Variants in ITPRID1 observed in about 807,000 individuals in gnomAD.
ITPRID1 encodes protein ITPRID1.
Under a neutral mutation model 95.4 loss-of-function variants are expected in ITPRID1, and 96 were observed. The ratio of observed to expected loss-of-function variants is 1.01; its 90% CI spans 0.85 to 1.19. The LOEUF (loss-of-function observed/expected upper bound fraction) is 1.19. Ranked by LOEUF, ITPRID1 falls within the 50% of genes most tolerant of loss-of-function variation. ITPRID1 has a pLI of 0.00. For missense variants in ITPRID1, 1,339 were observed against 1,252.9 expected (o/e 1.07, Z -1.04); for synonymous variants, 510 against 453.6 (o/e 1.12, Z -1.58).
At chr7:31,532,381 T>C (rs543736617) in intron 1 of ITPRID1, among the ~76,000 whole-genome samples, 1 of 152,324 alleles carries the variant, frequency 6.6e-6, no homozygotes, top group Admixed American at 6.5e-5. Flanking sequence ...TAGGACATTC[T>C]GAAAAAGGTT....
At chr7:31,627,631 G>C (rs954981183) in intron 10 of ITPRID1, among the ~76,000 whole-genome samples, 2 of 124,430 alleles carry the variant, frequency 1.6e-5, no homozygotes, top group African/African-American at 6.2e-5. Flanking sequence ...CTGCAATCCA[G>C]CCTGAGCAAC....
At chr7:31,656,524 GA>G, downstream of ITPRID1, 1 of 886,772 alleles carries the variant, frequency 1.1e-6, no homozygotes, top group Non-Finnish European at 1.3e-6. Context: ...TCCTTCTGTT[GA>G]AAAGAACTGT....
intron 10 of ITPRID1, among the ~76,000 whole-genome samples, chr7:31,609,800 T>A (rs1249172395): frequency 6.6e-6 from 1 of 151,560 alleles, no homozygotes; most frequent in African/African-American, 2.4e-5. Context: ...TCTGCTCCAA[T>A]CTTTATTATT....
At chr7:31,587,544 C>A (rs1222173803) in intron 10 of ITPRID1, among the ~76,000 whole-genome samples, 42 of 145,642 alleles carry the variant, frequency 2.9e-4, no homozygotes, top group Admixed American at 1.9e-3. Flanking sequence ...GAATCAATAT[C>A]GTGAAAATGG....
chr7:31,638,069 C>T (rs1189902994), intron 10 of ITPRID1, among the ~76,000 whole-genome samples: 1 of 152,226 alleles, frequency 6.6e-6, no homozygotes, highest in South Asian at 2.1e-4. Context: ...GGGCTCCCAC[C>T]AAAGTGTGCA....
Position 31,655,735 on chromosome 7 carries a change from C to G in ITPRID1, c.*2906C>G, listed in dbSNP as rs1791270775. 1.0e-6 allele frequency: 1 copy of G among 985,678 alleles called. No individual in the cohort carries two copies. The allele number at this position is 985,678 out of a possible 1,614,324, so 61.1% of individuals were successfully genotyped here. On this transcript the variant is annotated 3_prime_UTR_variant, in exon 15 of 15. Coordinates refer to ENST00000615280, the MANE Select transcript of ITPRID1 (RefSeq NM_001257967.3). ...TCCTGATGCATTGCATTTGTGCCTC[C>G]AAATCGTTTCCCTTGCTAAACTCCT...
In ITPRID1 at chr7:31,572,057, T is replaced by C. The variant is rs561741986; in HGVS notation, c.309-45T>C. The stretch of plus-strand genomic sequence containing the variant: ...GATTCACAATGACCTCCCAGGAGAC[T>C]ATCTAAATCAACACATCTCATTGTT... On this transcript the variant is annotated intron_variant, in intron 6 of 14. Transcript: ENST00000615280. The C allele has an allele frequency of 6.4e-6, 8 of 1,246,178 alleles. No individual in the cohort carries two copies. In the South Asian group the frequency reaches 7.5e-5, roughly 12 times the overall value. 77.2% of individuals were successfully genotyped at this position (1,246,178 alleles called of 1,614,324 possible).
chr7:31,580,297 T>TC (rs1785350886), intron 9 of ITPRID1, among the ~76,000 whole-genome samples: 1 of 13,952 alleles, frequency 7.2e-5, no homozygotes, highest in South Asian at 2.8e-3. Flanking sequence ...AAACTCTGTC[T>TC]CAAAAAAAAA....
chr7:31,619,918 T>C (rs1787655494), intron 10 of ITPRID1, among the ~76,000 whole-genome samples: 1 of 152,174 alleles, frequency 6.6e-6, no homozygotes, highest in African/African-American at 2.4e-5. Flanking sequence ...ACTGCGCTTT[T>C]CCGACGGGCT....
intron 10 of ITPRID1, among the ~76,000 whole-genome samples, chr7:31,590,524 T>C (rs1224678584): frequency 6.6e-6 from 1 of 152,184 alleles, no homozygotes; most frequent in Non-Finnish European, 1.5e-5. Context: ...GTGGCAAGCA[T>C]ATATATGCAG....
At chr7:31,617,460 TG>T (rs1369669150) in intron 10 of ITPRID1, among the ~76,000 whole-genome samples, 1 of 151,078 alleles carries the variant, frequency 6.6e-6, no homozygotes, top group Non-Finnish European at 1.5e-5. Flanking sequence ...TAAAAGAAAA[TG>T]TGAATTAGTA....
At chr7:31,573,879 T>C (rs961265857) in intron 7 of ITPRID1, among the ~76,000 whole-genome samples, 2 of 151,026 alleles carry the variant, frequency 1.3e-5, no homozygotes, top group Admixed American at 6.6e-5. Context: ...TATAAAATTT[T>C]AATAAAAATT....
Position 31,651,978 on chromosome 7 carries a change from G to C in ITPRID1, c.2751G>C (p.Leu917=). 1 of 1,605,382 alleles carries C rather than the reference G, an allele frequency of 6.2e-7. No homozygotes were observed. Among genetic ancestry groups the C allele is most frequent in the Non-Finnish European group, 8.5e-7 (1 of 1,176,178 alleles). The change falls in exon 14 of 15, where the codon CTG becomes CTC. Residue 917 remains leucine, a synonymous_variant. Coordinates refer to ENST00000615280, the MANE Select transcript of ITPRID1 (RefSeq NM_001257967.3). Reference sequence around the variant, plus strand: ...AACTGCAAACGTTACGTGAGGCCCTGAGGCAGCAGGTGGCAGAGTTGGAAT... The same window carrying C: ...AACTGCAAACGTTACGTGAGGCCCTCAGGCAGCAGGTGGCAGAGTTGGAAT... ...AEQLQTLREA[L]RQQVAELEFQ...
chr7:31,603,561 T>C (rs1786489700), intron 10 of ITPRID1, among the ~76,000 whole-genome samples: 1 of 152,192 alleles, frequency 6.6e-6, no homozygotes, highest in South Asian at 2.1e-4. Context: ...TCTATAGATA[T>C]AACACACTAC....
chr7:31,521,685 TCCTC>T (rs1365206962), intron 1 of ITPRID1, among the ~76,000 whole-genome samples: 3 of 118,482 alleles, frequency 2.5e-5, no homozygotes, highest in African/African-American at 6.7e-5. Context: ...CTTCCTTCCT[TCCTC>T]CTTTATTCCC....
At chr7:31,630,285 T>C (rs1014356599) in intron 10 of ITPRID1, among the ~76,000 whole-genome samples, 3 of 150,628 alleles carry the variant, frequency 2.0e-5, no homozygotes, top group Non-Finnish European at 4.4e-5. Context: ...ATCATATTAG[T>C]AATACTACCA....
chr7:31,574,683 T>A lies in ITPRID1; in HGVS notation c.539T>A (p.Ile180Asn), dbSNP rs749348664. The A allele has an allele frequency of 1.2e-6, 2 of 1,613,840 alleles. No individual in the cohort carries two copies. The highest frequency in any genetic ancestry group is 8.5e-7 in the Non-Finnish European group (1 of 1,179,826). ...GGCTCAGCAGCCAGAGGAATCAACATCCGTGTTTTTCTTGAAGCTCAAAAG... is the reference window on the plus strand; with the variant it reads ...GGCTCAGCAGCCAGAGGAATCAACAACCGTGTTTTTCTTGAAGCTCAAAAG... ...GCGSAARGIN[I>N]RVFLEAQKQR... Residue 180 changes from isoleucine to asparagine, a missense_variant, in exon 8 of 15, where the codon ATC (isoleucine) becomes AAC (asparagine). Ile to Asn is a moderately radical substitution (Grantham distance 149). Coordinates refer to ENST00000615280, the MANE Select transcript of ITPRID1 (RefSeq NM_001257967.3).
chr7:31,583,161 A>G lies in ITPRID1; in HGVS notation c.1198A>G (p.Asn400Asp), dbSNP rs1785468358. ...EVQSFEEETG[N>D]PLDMTSGTVG... is the part of the protein sequence containing the mutation. ...CCAAAGCTTTGAAGAAGAGACTGGT[A>G]ATCCTCTTGACATGACTTCAGGAAC... Residue 400 changes from asparagine to aspartate, a missense_variant, in exon 10 of 15, where the codon AAT becomes GAT. Asn to Asp is a conservative substitution (Grantham distance 23, BLOSUM62 1). Coordinates refer to ENST00000615280, the MANE Select transcript of ITPRID1 (RefSeq NM_001257967.3). 1 of 1,611,720 alleles carries G rather than the reference A, an allele frequency of 6.2e-7. No homozygotes were observed. Among genetic ancestry groups the G allele is most frequent in the East Asian group, 2.2e-5 (1 of 44,842 alleles).
intron 1 of ITPRID1, among the ~76,000 whole-genome samples, chr7:31,516,340 GAACT>G (rs2128125453): frequency 1.3e-5 from 2 of 152,262 alleles, no homozygotes; most frequent in African/African-American, 4.8e-5. Flanking sequence ...TCAGAGAAAA[GAACT>G]AATATATCAA....
Sources: gnomAD v4.1 joint callset for allele counts (sites outside exome capture counted in the v4.1 genomes callset) on GRCh38, gnomAD v4.1.1 for gene constraint, MANE v1.5 for transcripts, NCBI Gene and HGNC (gene_info 2026-07-23, HGNC 2026-07-21) for gene names.